AIRIM: variants seen among roughly 807,000 people sequenced by gnomAD.
AIRIM encodes AFG2-interacting ribosome maturation factor.
chr1:37,688,072 T>A, the AIRIM span, among the ~76,000 whole-genome samples: 1 of 152,046 alleles, frequency 6.6e-6, no homozygotes, highest in East Asian at 1.9e-4. Flanking sequence ...TCTCTCTTTT[T>A]TTGAGACAGA....
At chr1:37,690,539 C>A in the AIRIM span, 1 of 1,146,352 alleles carries the variant, frequency 8.7e-7, no homozygotes. Flanking sequence ...TGCTCACACG[C>A]GACCTCCCCA....
the AIRIM span, chr1:37,683,313 C>T: frequency 5.0e-6 from 8 of 1,614,002 alleles, no homozygotes; most frequent in South Asian, 1.1e-5. Context: ...GAACACAAAC[C>T]AGTACCTTGT....
the AIRIM span, chr1:37,683,531 A>G: frequency 2.8e-6 from 4 of 1,420,094 alleles, no homozygotes; most frequent in Admixed American, 8.5e-5. Context: ...CATAAAAGTG[A>G]AAGTGCAGAT....
At chr1:37,690,174 G>A in the AIRIM span, 30 of 1,147,640 alleles carry the variant, frequency 2.6e-5, no homozygotes, top group East Asian at 1.2e-3. Flanking sequence ...CCGCCAACAC[G>A]CCTGGCTAAT....
chr1:37,687,219 C>T, the AIRIM span, among the ~76,000 whole-genome samples: 1 of 151,772 alleles, frequency 6.6e-6, no homozygotes. Context: ...CCTCTGGCTC[C>T]CGGGTTCAAG....
chr1:37,688,682 C>G, the AIRIM span, among the ~76,000 whole-genome samples: 1 of 152,128 alleles, frequency 6.6e-6, no homozygotes, highest in East Asian at 1.9e-4. Context: ...ATGACAGACT[C>G]TATATACTGG....
the AIRIM span, chr1:37,683,189 T>C: frequency 6.2e-7 from 1 of 1,604,986 alleles, no homozygotes; most frequent in African/African-American, 1.3e-5. Context: ...AAAAATGGCA[T>C]TATCACCTCT....
chr1:37,687,319 A>G, the AIRIM span, among the ~76,000 whole-genome samples: 2 of 150,704 alleles, frequency 1.3e-5, no homozygotes, highest in African/African-American at 2.4e-5. Context: ...TTCAGTAGAG[A>G]CGGGGTTTCT....
the AIRIM span, among the ~76,000 whole-genome samples, chr1:37,685,240 G>A: frequency 6.9e-6 from 1 of 144,018 alleles, no homozygotes; most frequent in Non-Finnish European, 1.5e-5. Context: ...GTCTTGCTCT[G>A]TCACCTAGGC....
At chr1:37,690,279 C>T in the AIRIM span, 1 of 1,292,250 alleles carries the variant, frequency 7.7e-7, no homozygotes, top group African/African-American at 1.5e-5. Flanking sequence ...GCCACCGCGC[C>T]CGGCCTGCCT....
At chr1:37,682,741 A>G in the AIRIM span, 1 of 169,654 alleles carries the variant, frequency 5.9e-6, no homozygotes, top group African/African-American at 2.4e-5. Flanking sequence ...TGTCAACCAG[A>G]CAATGCTTTG....
the AIRIM span, among the ~76,000 whole-genome samples, chr1:37,688,444 A>C: frequency 6.6e-6 from 1 of 152,150 alleles, no homozygotes; most frequent in Non-Finnish European, 1.5e-5. Flanking sequence ...TCCTCCCCAG[A>C]AACTTCCCCA....
chr1:37,687,802 G>A, the AIRIM span, among the ~76,000 whole-genome samples: 1 of 152,300 alleles, frequency 6.6e-6, no homozygotes, highest in East Asian at 1.9e-4. Context: ...GCACTCCTGG[G>A]TTCAAATGAT....
the AIRIM span, chr1:37,689,394 C>A: frequency 9.3e-6 from 5 of 539,898 alleles, no homozygotes; most frequent in Non-Finnish European, 1.6e-5. Flanking sequence ...ACTAAGCCCA[C>A]CACTGCCATG....
chr1:37,690,964 C>T, the AIRIM span: 1 of 152,266 alleles, frequency 6.6e-6, no homozygotes, highest in African/African-American at 2.4e-5. Flanking sequence ...ACCCTGAAAC[C>T]GAGAGGCTGG....
the AIRIM span, chr1:37,689,492 T>G: frequency 7.8e-7 from 1 of 1,277,216 alleles, no homozygotes; most frequent in East Asian, 2.5e-5. Flanking sequence ...TTGAGATACC[T>G]CCACATGCCA....
chr1:37,686,185 A>G, the AIRIM span: 1 of 1,283,118 alleles, frequency 7.8e-7, no homozygotes, highest in Non-Finnish European at 1.1e-6. Flanking sequence ...ACTGACTCAA[A>G]CTACTTAGTT....
chr1:37,688,027 C>T, the AIRIM span, among the ~76,000 whole-genome samples: 1 of 151,740 alleles, frequency 6.6e-6, no homozygotes, highest in African/African-American at 2.4e-5. Context: ...CAGCTGATCT[C>T]ATCTCTTACC....
chr1:37,684,447 CCTCT>C, the AIRIM span, among the ~76,000 whole-genome samples: 1 of 152,084 alleles, frequency 6.6e-6, no homozygotes, highest in African/African-American at 2.4e-5. Context: ...GGTGAAACCG[CCTCT>C]CTACTAAAAG....
Sources: gnomAD v4.1 joint callset for allele counts (sites outside exome capture counted in the v4.1 genomes callset) on GRCh38, gnomAD v4.1.1 for gene constraint, MANE v1.5 for transcripts, NCBI Gene and HGNC (gene_info 2026-07-23, HGNC 2026-07-21) for gene names.